RABGAP1: variants seen among roughly 807,000 people sequenced by gnomAD.
RABGAP1 encodes RAB GTPase activating protein 1, also known as rab GTPase-activating protein 1.
In RABGAP1, 23 loss-of-function variants were observed where a neutral mutation model predicts 137.6. The observed-to-expected ratio is 0.17, with a 90% CI of 0.12 to 0.24. RABGAP1 has a LOEUF of 0.24. Ranked by LOEUF, RABGAP1 falls within the 10% of genes least tolerant of loss-of-function variation. The pLI is 1.00. For missense variants in RABGAP1, 906 were observed against 1,275.8 expected (o/e 0.71, Z 4.42); for synonymous variants, 451 against 450.7 (o/e 1.00, Z -0.01).
At chr9:123,040,982 G>A (rs746988730) in intron 13 of RABGAP1, among the ~76,000 whole-genome samples, 3 of 152,020 alleles carry the variant, frequency 2.0e-5, no homozygotes, top group Non-Finnish European at 2.9e-5. Flanking sequence ...TTCCTAATCC[G>A]TTGCTCTTTT....
At chr9:122,989,258 T>A in intron 4 of RABGAP1, 39 bp from the exon 5 acceptor site, 1 of 1,556,918 alleles carries the variant, frequency 6.4e-7, no homozygotes, top group Non-Finnish European at 8.8e-7. Flanking sequence ...AGATTGTTCA[T>A]AATTCCTGTA....
intron 24 of RABGAP1, among the ~76,000 whole-genome samples, chr9:123,100,085 T>G (rs1298301252): frequency 6.6e-6 from 1 of 152,174 alleles, no homozygotes; most frequent in African/African-American, 2.4e-5. Context: ...CAGCCTGAGC[T>G]GCTGGACTCC....
chr9:122,979,398 C>T (rs1163399106), intron 2 of RABGAP1, among the ~76,000 whole-genome samples: 2 of 152,142 alleles, frequency 1.3e-5, no homozygotes, highest in Non-Finnish European at 2.9e-5. Context: ...AGATATATGA[C>T]TTGCAAATGT....
At chr9:122,936,244 A>T (rs1833385746), upstream of RABGAP1, among the ~76,000 whole-genome samples, 1 of 152,168 alleles carries the variant, frequency 6.6e-6, no homozygotes, top group Admixed American at 6.5e-5. Flanking sequence ...TGGAACTCCC[A>T]CAATTCATTA....
intron 19 of RABGAP1, among the ~76,000 whole-genome samples, chr9:123,086,711 G>A (rs929983972): frequency 2.0e-5 from 3 of 151,854 alleles, no homozygotes; most frequent in Non-Finnish European, 2.9e-5. Context: ...GAGGGTGGGA[G>A]GGAGAAAGAG....
At chr9:123,003,253 A>T (rs2029892168) in intron 10 of RABGAP1, among the ~76,000 whole-genome samples, 1 of 152,210 alleles carries the variant, frequency 6.6e-6, no homozygotes, top group African/African-American at 2.4e-5. Flanking sequence ...TTCAATGAGG[A>T]TAAATAGTAT....
intron 10 of RABGAP1, among the ~76,000 whole-genome samples, chr9:123,004,884 C>T (rs1184581031): frequency 6.6e-6 from 1 of 151,612 alleles, no homozygotes; most frequent in Non-Finnish European, 1.5e-5. Flanking sequence ...TGGCGAAACC[C>T]TGTCTCTATT....
At position 122,989,465 on chromosome 9, in the gene RABGAP1, A is replaced by G; in HGVS notation, c.759A>G (p.Gln253=). The change falls in exon 5 of 26, where the codon CAA becomes CAG. Residue 253 remains glutamine, a synonymous_variant. Coordinates refer to ENST00000373647, the MANE Select transcript of RABGAP1 (RefSeq NM_012197.4). ...TACACGTCTTCCGGTGTGAAATACA[A>G]GAAGCTGTAAGTCCTCAAGAGAAAA... ...FRIHVFRCEI[Q]EAVSRILYSF... 2 of 1,613,862 alleles carry G rather than the reference A, an allele frequency of 1.2e-6. 1 individual carries two copies. Among genetic ancestry groups the G allele is most frequent in the South Asian group, 2.2e-5 (2 of 91,078 alleles).
Position 122,989,302 on chromosome 9 carries a change from T to C in RABGAP1, c.596T>C (p.Leu199Ser). The change falls in exon 5 of 26, where the codon TTA becomes TCA. Residue 199 changes from leucine to serine, a missense_variant. This residue lies in a region of RABGAP1 where 331 missense variants were observed against 358.3 expected (regional missense o/e 0.92). Coordinates refer to ENST00000373647, the MANE Select transcript of RABGAP1 (RefSeq NM_012197.4). ...PNVSEGIVRL[L>S]DPQTNTEIAN... ...GTATCTTTTTCTCTGAACAGACTCT[T>C]AGATCCTCAGACAAACACTGAAATA... 1 of 1,612,356 alleles carries C rather than the reference T, an allele frequency of 6.2e-7. No homozygotes were observed. Among genetic ancestry groups the C allele is most frequent in the Non-Finnish European group, 8.5e-7 (1 of 1,178,652 alleles).
chr9:122,944,666 G>T (rs1833836403), intron 1 of RABGAP1, among the ~76,000 whole-genome samples: 1 of 151,934 alleles, frequency 6.6e-6, no homozygotes, highest in Non-Finnish European at 1.5e-5. Context: ...CGCCTTCCGG[G>T]TTTAAGAGGT....
At chr9:123,085,733 T>C (rs1017469171) in intron 19 of RABGAP1, among the ~76,000 whole-genome samples, 9 of 152,228 alleles carry the variant, frequency 5.9e-5, no homozygotes, top group Non-Finnish European at 1.0e-4. Context: ...GTTCATTAAG[T>C]GTTTTCATTC....
At chr9:123,081,233 C>T (rs2034696417) in intron 19 of RABGAP1, among the ~76,000 whole-genome samples, 1 of 152,108 alleles carries the variant, frequency 6.6e-6, no homozygotes, top group African/African-American at 2.4e-5. Flanking sequence ...TTCATTATGG[C>T]TTCTGGTAAA....
At chr9:123,083,195 CTTTACT>C (rs2034766504) in intron 19 of RABGAP1, among the ~76,000 whole-genome samples, 1 of 152,186 alleles carries the variant, frequency 6.6e-6, no homozygotes, top group Non-Finnish European at 1.5e-5. Context: ...GGGCATTCTG[CTTTACT>C]GTAAATGATG....
intron 19 of RABGAP1, among the ~76,000 whole-genome samples, chr9:123,082,186 C>T (rs1448252164): frequency 6.6e-6 from 1 of 151,896 alleles, no homozygotes; most frequent in Non-Finnish European, 1.5e-5. Context: ...TTAAAGTGAA[C>T]TTATTATGGA....
rs190661700 is a variant in RABGAP1 at position 123,018,392 on chromosome 9, C to A, written c.1644-1917C>A. ...AGCTAGTAAGGTTAGCAGGCTTTGT[C>A]TGTAAAGAGCCAAATAATAAATATT... On this transcript the variant is annotated intron_variant, in intron 12 of 25. Coordinates refer to ENST00000373647, the MANE Select transcript of RABGAP1 (RefSeq NM_012197.4). Among the ~76,000 whole-genome samples, 189 of 152,304 alleles carry A rather than the reference C, an allele frequency of 1.2e-3. 4 individuals are homozygous for A. Among genetic ancestry groups the A allele is most frequent in the Admixed American group, 0.012 (189 of 15,296 alleles).
rs372702608 is a variant in RABGAP1, at chr9:123,097,700, C to G, written c.2629-41C>G. ...TAAGTAATGGAAATCCTTTGCAGTT[C>G]CCAATTCTTGTTTTGTGACAGCATA... On this transcript the variant is annotated intron_variant, in intron 21 of 25. Transcript: ENST00000373647. 1.6e-5 allele frequency: 25 copies of G among 1,538,828 alleles called. No individual in the cohort carries two copies. The African/African-American group carries it at 3.5e-4, about 21-fold the overall frequency.
At chr9:123,064,104 C>G (rs1166505143) in intron 13 of RABGAP1, among the ~76,000 whole-genome samples, 9 of 152,172 alleles carry the variant, frequency 5.9e-5, no homozygotes. Context: ...TGCTCTCCCT[C>G]TCTCTCCCAC....
At chr9:123,090,784 A>G (rs1226761140) in intron 21 of RABGAP1, among the ~76,000 whole-genome samples, 2 of 152,208 alleles carry the variant, frequency 1.3e-5, no homozygotes, top group Non-Finnish European at 2.9e-5. Context: ...TGCCAGTTGG[A>G]ATGCAGCTCA....
chr9:122,958,740 G>C (rs1421481361), intron 2 of RABGAP1, among the ~76,000 whole-genome samples: 1 of 152,076 alleles, frequency 6.6e-6, no homozygotes, highest in Non-Finnish European at 1.5e-5. Context: ...CAGGTGTTGT[G>C]GCTCACACCT....
Sources: gnomAD v4.1 joint callset for allele counts (sites outside exome capture counted in the v4.1 genomes callset) on GRCh38, gnomAD v4.1.1 for gene constraint, gnomAD v4.1.1 regional missense constraint, MANE v1.5 for transcripts, NCBI Gene and HGNC (gene_info 2026-07-23, HGNC 2026-07-21) for gene names.